The following SGCZ variants were observed in gnomAD, a reference collection of about 807,000 sequenced individuals.
SGCZ encodes sarcoglycan zeta.
In SGCZ, 40 loss-of-function variants were observed where a neutral mutation model predicts 41.3. The observed-to-expected ratio is 0.97, with a 90% confidence interval of 0.75 to 1.26. SGCZ has a LOEUF of 1.26. Among genes scored for constraint, SGCZ ranks in the 50% most tolerant of loss-of-function variants. The pLI, the probability that SGCZ is intolerant of heterozygous loss-of-function variation, is 0.00. For missense variants in SGCZ, 552 were observed against 369.8 expected, an observed-to-expected ratio of 1.49 and a Z score of -4.04; for synonymous variants, 206 against 137.5, an observed-to-expected ratio of 1.50 and a Z score of -3.49.
At chr8:14,329,276 A>T (rs542191584) in intron 2 of SGCZ, among the ~76,000 whole-genome samples, 2 of 152,324 alleles carry the variant, frequency 1.3e-5, no homozygotes, top group Admixed American at 1.3e-4. Flanking sequence ...TGTGTATTTT[A>T]TAAACATCAG....
At chr8:14,217,231 G>A (rs1200554067) in intron 4 of SGCZ, among the ~76,000 whole-genome samples, 5 of 148,764 alleles carry the variant, frequency 3.4e-5, no homozygotes, top group African/African-American at 1.3e-4. Flanking sequence ...GGGAGGCAGA[G>A]GTTGCAGTGA....
At chr8:14,911,048 A>C (rs2130776784) in intron 1 of SGCZ, among the ~76,000 whole-genome samples, 1 of 152,188 alleles carries the variant, frequency 6.6e-6, no homozygotes, top group East Asian at 1.9e-4. Context: ...TATTAAAGGG[A>C]TGCTTCTGCA....
At chr8:14,863,430 T>G (rs1032175653) in intron 1 of SGCZ, among the ~76,000 whole-genome samples, 4 of 152,010 alleles carry the variant, frequency 2.6e-5, no homozygotes, top group Non-Finnish European at 5.9e-5. Flanking sequence ...GCTCAAGCAA[T>G]CCTCCCACCT....
intron 3 of SGCZ, among the ~76,000 whole-genome samples, chr8:14,322,229 A>G (rs1161601317): frequency 6.6e-6 from 1 of 152,110 alleles, no homozygotes; most frequent in Non-Finnish European, 1.5e-5. Context: ...CTGGCTACCA[A>G]TGTGCCTGCC....
chr8:14,748,083 T>C (rs1020443078), intron 1 of SGCZ, among the ~76,000 whole-genome samples: 6 of 152,052 alleles, frequency 3.9e-5, no homozygotes, highest in African/African-American at 1.2e-4. Context: ...GTACGTGGCA[T>C]GTAAGAATCA....
chr8:14,300,463 T>C (rs578143993), intron 3 of SGCZ, among the ~76,000 whole-genome samples: 2 of 152,082 alleles, frequency 1.3e-5, no homozygotes, highest in African/African-American at 4.8e-5. Context: ...GTATAGTTCA[T>C]ATTCCCAGGT....
Position 15,191,511 on chromosome 8 carries a change from T to C in SGCZ, c.39+46074A>G, listed in dbSNP as rs1018418209. 5.6e-4 allele frequency among the ~76,000 whole-genome samples: 85 copies of C among 152,178 alleles called. 1 individual carries two copies. The highest frequency in any genetic ancestry group is 2.0e-3 in the African/African-American group (84 of 41,484). ...AAAGGTTTTAAAGAAAACCTTATTA[T>C]TTTAAACCCATCATGTTAGATCTCA... On this transcript the variant is annotated intron_variant, in intron 1 of 7. Transcript: ENST00000382080.
intron 4 of SGCZ, among the ~76,000 whole-genome samples, chr8:14,231,523 C>T (rs1806571451): frequency 1.3e-5 from 2 of 151,850 alleles, no homozygotes; most frequent in Admixed American, 6.6e-5. Context: ...ATTTAAAAGA[C>T]ACACACACAC....
At chr8:14,974,778 T>G (rs10503525) in intron 1 of SGCZ, among the ~76,000 whole-genome samples, 8 of 149,420 alleles carry the variant, frequency 5.4e-5, no homozygotes, top group Non-Finnish European at 1.2e-4. Flanking sequence ...GATACTACAA[T>G]GAACAAAGTA....
intron 2 of SGCZ, among the ~76,000 whole-genome samples, chr8:14,349,207 G>T (rs6530766): frequency 6.6e-6 from 1 of 151,998 alleles, no homozygotes; most frequent in Non-Finnish European, 1.5e-5. Context: ...AAATTAATTC[G>T]CATTACCAAA....
chr8:14,849,560 A>G (rs1803245421), intron 1 of SGCZ, among the ~76,000 whole-genome samples: 3 of 152,208 alleles, frequency 2.0e-5, no homozygotes, highest in South Asian at 4.1e-4. Flanking sequence ...ATATTGTATG[A>G]TTTATATTCT....
chr8:15,159,698 TTTA>T (rs1204388319), intron 1 of SGCZ, among the ~76,000 whole-genome samples: 16 of 148,880 alleles, frequency 1.1e-4, no homozygotes, highest in African/African-American at 3.7e-4. Flanking sequence ...TGAAGGTTTT[TTTA>T]TTTTTTTTGT....
At chr8:14,800,109 G>T (rs1033505750) in intron 1 of SGCZ, among the ~76,000 whole-genome samples, 4 of 151,482 alleles carry the variant, frequency 2.6e-5, no homozygotes, top group Admixed American at 2.0e-4. Context: ...TCTCACCATT[G>T]AACCAGCATC....
chr8:14,109,259 T>G (rs1448614207), intron 5 of SGCZ, among the ~76,000 whole-genome samples: 1 of 152,220 alleles, frequency 6.6e-6, no homozygotes, highest in African/African-American at 2.4e-5. Context: ...GGATACTCTA[T>G]CTCAACTTTC....
chr8:14,593,270 T>C (rs1255389121), intron 1 of SGCZ, among the ~76,000 whole-genome samples: 1 of 152,136 alleles, frequency 6.6e-6, no homozygotes, highest in Non-Finnish European at 1.5e-5. Flanking sequence ...TAGACAATGA[T>C]GAGAGAAGCA....
At chr8:15,179,079 G>C (rs906869147) in intron 1 of SGCZ, among the ~76,000 whole-genome samples, 5 of 152,028 alleles carry the variant, frequency 3.3e-5, no homozygotes, top group African/African-American at 1.2e-4. Context: ...ATAAAGAGTT[G>C]TTTTGCTGGG....
chr8:15,100,831 A>C (rs1484609302), intron 1 of SGCZ, among the ~76,000 whole-genome samples: 2 of 152,176 alleles, frequency 1.3e-5, no homozygotes, highest in African/African-American at 4.8e-5. Flanking sequence ...ATAATTAAAA[A>C]TAAAAAAATT....
chr8:14,172,292 A>C (rs1403525636), intron 4 of SGCZ, among the ~76,000 whole-genome samples: 1 of 152,144 alleles, frequency 6.6e-6, no homozygotes, highest in Non-Finnish European at 1.5e-5. Flanking sequence ...TTATCTCAAC[A>C]CAGTCTTTCA....
At chr8:14,348,357 C>T (rs889647401) in intron 2 of SGCZ, among the ~76,000 whole-genome samples, 8 of 152,122 alleles carry the variant, frequency 5.3e-5, no homozygotes, top group Admixed American at 2.0e-4. Flanking sequence ...CCTTTCACCA[C>T]ACCTCACTTC....
Sources: gnomAD v4.1 joint callset for allele counts (sites outside exome capture counted in the v4.1 genomes callset) on GRCh38, gnomAD v4.1.1 for gene constraint, MANE v1.5 for transcripts, NCBI Gene and HGNC (gene_info 2026-07-23, HGNC 2026-07-21) for gene names.